The following ADAMTS9 variants were observed in gnomAD, a reference collection of about 807,000 sequenced individuals.
The protein encoded by ADAMTS9 is A disintegrin and metalloproteinase with thrombospondin motifs 9.
ADAMTS9 carries 107 observed loss-of-function variants against 257.1 expected under a neutral mutation model. The ratio of observed to expected loss-of-function variants is 0.42; its 90% CI spans 0.36 to 0.49. The LOEUF is 0.49. ADAMTS9 is among the 20% of genes least tolerant of loss of function. The pLI is 0.03. For synonymous variants in ADAMTS9, 982 were observed against 880.9 expected (o/e 1.11, Z -2.03); for missense variants, 2,353 against 2,469.1 (o/e 0.95, Z 1.00).
chr3:64,684,918 G>T (rs1407646591), intron 2 of ADAMTS9: 2 of 152,236 alleles, frequency 1.3e-5, no homozygotes, highest in African/African-American at 4.8e-5. Context: ...TGGAATTGGG[G>T]GTTACTATCT....
Position 64,622,924 on chromosome 3 carries a change from A to C in ADAMTS9, c.2390-338T>G, listed in dbSNP as rs1033082690. Reference sequence around the variant, plus strand: ...TTATAGAATTATAGATGGAAACAAAAGTGTTTATATGATTTGAAAATATGC... The same window carrying C: ...TTATAGAATTATAGATGGAAACAAACGTGTTTATATGATTTGAAAATATGC... On this transcript the variant is annotated intron_variant, in intron 16 of 39. Transcript: ENST00000498707. Among the ~76,000 whole-genome samples, 3 of 152,380 alleles carry C rather than the reference A, an allele frequency of 2.0e-5. No individual in the cohort carries two copies. The East Asian group carries it at 5.8e-4, about 29-fold the overall frequency.
Position 64,561,692 on chromosome 3 carries a change from T to C in ADAMTS9, c.4584A>G (p.Thr1528=). 1.2e-6 allele frequency: 2 copies of C among 1,613,906 alleles called. No homozygotes were observed. The highest frequency in any genetic ancestry group is 1.7e-6 in the Non-Finnish European group (2 of 1,179,978). ...ACTCGGTCTCTCTGGCTATTTTGTG[T>C]GTTCCGATCTGACAGCCCACATGCC... ...QQRHVGCQIG[T]HKIARETECN... The change falls in exon 30 of 40, where the codon ACA becomes ACG. Residue 1528 remains threonine, a synonymous_variant. Coordinates refer to ENST00000498707, the MANE Select transcript of ADAMTS9 (RefSeq NM_182920.2).
Position 64,550,874 on chromosome 3 carries a change from C to G in ADAMTS9, c.4869+18G>C. ...GCCATGGCTGAGCTGACGATGGTTA[C>G]AGTTCCCAGGACGGTACCTCTGACC... On this transcript the variant is annotated intron_variant, in intron 31 of 39. Coordinates refer to ENST00000498707, the MANE Select transcript of ADAMTS9 (RefSeq NM_182920.2). 2 of 1,613,406 alleles carry G rather than the reference C, an allele frequency of 1.2e-6. No individual in the cohort carries two copies. The highest frequency in any genetic ancestry group is 1.7e-6 in the Non-Finnish European group (2 of 1,179,468).
At chr3:64,627,326 C>A (rs548212316) in intron 16 of ADAMTS9, among the ~76,000 whole-genome samples, 3 of 152,016 alleles carry the variant, frequency 2.0e-5, no homozygotes, top group Non-Finnish European at 4.4e-5. Context: ...ATATCGGATT[C>A]CTCTTACGAT....
chr3:64,526,002 TTTTATA>T (rs1345398277), intron 38 of ADAMTS9, among the ~76,000 whole-genome samples: 1 of 147,594 alleles, frequency 6.8e-6, no homozygotes, highest in Non-Finnish European at 1.5e-5. Flanking sequence ...ATTTTATATA[TTTTATA>T]TTTATATAAT....
intron 22 of ADAMTS9, among the ~76,000 whole-genome samples, chr3:64,609,895 CA>C (rs2084634114): frequency 6.6e-6 from 1 of 151,978 alleles, no homozygotes; most frequent in African/African-American, 2.4e-5. Context: ...GTGATCAAAA[CA>C]GTCTACTGGC....
intron 11 of ADAMTS9, among the ~76,000 whole-genome samples, chr3:64,644,334 C>T (rs1318310299): frequency 1.3e-5 from 2 of 152,158 alleles, no homozygotes; most frequent in Non-Finnish European, 2.9e-5. Context: ...GAAATATAGA[C>T]AAGACTTAAC....
chr3:64,523,682 T>C (rs555858434), intron 38 of ADAMTS9, among the ~76,000 whole-genome samples: 3 of 152,258 alleles, frequency 2.0e-5, no homozygotes, highest in East Asian at 1.9e-4. Flanking sequence ...TCAAGTGCTA[T>C]AGAACTAGTA....
At chr3:64,630,472 C>T (rs898979119) in intron 16 of ADAMTS9, among the ~76,000 whole-genome samples, 4 of 152,168 alleles carry the variant, frequency 2.6e-5, no homozygotes, top group African/African-American at 7.2e-5. Flanking sequence ...CCCAGCTACT[C>T]AGGCTGAGGT....
At chr3:64,574,569 A>AAAAAG (rs1182193679) in intron 28 of ADAMTS9, among the ~76,000 whole-genome samples, 2 of 151,576 alleles carry the variant, frequency 1.3e-5, no homozygotes, top group African/African-American at 4.9e-5. Context: ...CAAAAAAAAA[A>AAAAAG]AAAAAAAAGA....
rs953499328 is a variant in ADAMTS9 at position 64,515,654 on chromosome 3, T to G, written c.*1473A>C. The G allele has an allele frequency of 1.3e-5, 2 of 152,136 alleles. No individual in the cohort carries two copies. The highest frequency in any genetic ancestry group is 4.8e-5 in the African/African-American group (2 of 41,424). The allele number at this position is 152,136 out of a possible 1,614,324, so 9.4% of individuals were successfully genotyped here. A position where few individuals can be genotyped will look rare whatever the true frequency, so the allele number is the denominator to read the frequency against. Reference sequence around the variant, plus strand: ...CAGAAACTATGCGAAACACAAATGGTTTGGGTGTGGTGATGTATTTATTCA... The same window carrying G: ...CAGAAACTATGCGAAACACAAATGGGTTGGGTGTGGTGATGTATTTATTCA... On this transcript the variant is annotated 3_prime_UTR_variant, in exon 40 of 40. Transcript: ENST00000498707.
intron 30 of ADAMTS9, among the ~76,000 whole-genome samples, chr3:64,559,652 C>A (rs2083387377): frequency 6.6e-6 from 1 of 152,194 alleles, no homozygotes; most frequent in Non-Finnish European, 1.5e-5. Flanking sequence ...TAAAAAAGAT[C>A]CATCTGCACG....
chr3:64,676,147 C>T (rs999819324), intron 3 of ADAMTS9, among the ~76,000 whole-genome samples: 3 of 152,130 alleles, frequency 2.0e-5, no homozygotes, highest in African/African-American at 7.2e-5. Flanking sequence ...GAAGTAGACA[C>T]AAGGCAGGAT....
At chr3:64,545,129 G>A (rs2083179750) in intron 32 of ADAMTS9, among the ~76,000 whole-genome samples, 2 of 152,314 alleles carry the variant, frequency 1.3e-5, no homozygotes, top group Middle Eastern at 3.4e-3. Context: ...AGAGGATGTG[G>A]AGAAATAAGA....
At chr3:64,547,363 CT>C (rs1698030549) in intron 31 of ADAMTS9, among the ~76,000 whole-genome samples, 2 of 141,384 alleles carry the variant, frequency 1.4e-5, no homozygotes, top group African/African-American at 2.6e-5. Context: ...ACAGCAGCAG[CT>C]GACCCGTGAG....
intron 26 of ADAMTS9, among the ~76,000 whole-genome samples, chr3:64,598,546 T>C (rs748122151): frequency 6.6e-6 from 1 of 152,112 alleles, no homozygotes; most frequent in Non-Finnish European, 1.5e-5. Flanking sequence ...TCTCGAACTC[T>C]TGGCCTCAAG....
intron 26 of ADAMTS9, among the ~76,000 whole-genome samples, chr3:64,601,101 C>T (rs1469280409): frequency 6.6e-6 from 1 of 152,046 alleles, no homozygotes; most frequent in African/African-American, 2.4e-5. Flanking sequence ...CATTCCAAAG[C>T]ATACTTTTCC....
At chr3:64,618,284 T>C (rs1700014542) in intron 19 of ADAMTS9, among the ~76,000 whole-genome samples, 1 of 152,222 alleles carries the variant, frequency 6.6e-6, no homozygotes. Context: ...TTAGAGGTGC[T>C]ATTATTACCA....
intron 36 of ADAMTS9, among the ~76,000 whole-genome samples, chr3:64,540,612 G>A (rs1193797390): frequency 6.6e-6 from 1 of 152,080 alleles, no homozygotes; most frequent in South Asian, 2.1e-4. Flanking sequence ...TTGGCTTTGG[G>A]GTTTTGTATC....
Sources: allele counts gnomAD v4.1 joint callset (sites outside exome capture counted in the v4.1 genomes callset), GRCh38; gene constraint gnomAD v4.1.1; transcripts MANE v1.5; gene names NCBI Gene and HGNC (gene_info 2026-07-23, HGNC 2026-07-21).